LPAR1: variants seen among roughly 807,000 people sequenced by gnomAD.
LPAR1 encodes lysophosphatidic acid receptor 1, also known as LPA receptor 1.
In LPAR1, 5 loss-of-function variants were observed where a neutral mutation model predicts 23.8. That is an observed-to-expected ratio of 0.21 (90% confidence interval 0.11 to 0.44). The LOEUF (loss-of-function observed/expected upper bound fraction) is 0.44, where lower values mean the gene tolerates loss of function less well. Ranked by LOEUF, LPAR1 falls within the 20% of genes least tolerant of loss-of-function variation. The pLI is 0.99. For synonymous variants in LPAR1, 160 were observed against 164.7 expected (o/e 0.97, Z 0.22); for missense variants, 311 against 482.8 (o/e 0.64, Z 3.33).
chr9:110,904,670 C>T (rs2090595477), intron 5 of LPAR1, among the ~76,000 whole-genome samples: 1 of 152,230 alleles, frequency 6.6e-6, no homozygotes, highest in African/African-American at 2.4e-5. Context: ...TGACTCTTAA[C>T]TAGGAATCAG....
chr9:110,997,843 C>T (rs1268393838), intron 2 of LPAR1, among the ~76,000 whole-genome samples: 1 of 152,192 alleles, frequency 6.6e-6, no homozygotes, highest in Non-Finnish European at 1.5e-5. Context: ...CCTGTGTCTT[C>T]TCCAAAGCTG....
At chr9:111,024,271 T>C (rs1022024351) in intron 2 of LPAR1, among the ~76,000 whole-genome samples, 4 of 151,610 alleles carry the variant, frequency 2.6e-5, no homozygotes, top group African/African-American at 9.7e-5. Context: ...TACCATTTTA[T>C]AGGTCAAGAG....
chr9:110,991,245 G>A (rs2096886975), intron 2 of LPAR1, among the ~76,000 whole-genome samples: 1 of 152,150 alleles, frequency 6.6e-6, no homozygotes, highest in Admixed American at 6.5e-5. Flanking sequence ...ATTTCTGCTT[G>A]TCAACATACT....
chr9:110,994,014 ATACT>A (rs1168699235), intron 2 of LPAR1, among the ~76,000 whole-genome samples: 2 of 152,214 alleles, frequency 1.3e-5, no homozygotes, highest in African/African-American at 4.8e-5. Context: ...TCCCTAGAAA[ATACT>A]TACCATAAAG....
intron 2 of LPAR1, among the ~76,000 whole-genome samples, chr9:111,022,118 A>G (rs530961623): frequency 6.6e-6 from 1 of 152,272 alleles, no homozygotes; most frequent in South Asian, 2.1e-4. Flanking sequence ...AGATGCAAAT[A>G]CCTGGAGTTC....
At chr9:110,957,950 A>C (rs1470643365) in intron 4 of LPAR1, among the ~76,000 whole-genome samples, 1 of 152,182 alleles carries the variant, frequency 6.6e-6, no homozygotes, top group Non-Finnish European at 1.5e-5. Flanking sequence ...AACTATCCAA[A>C]AAAGAAATAA....
In LPAR1 at chr9:110,932,788, C is replaced by T. The variant is rs12684562; in HGVS notation, c.793+8633G>A. Among the ~76,000 whole-genome samples the T allele has an allele frequency of 7.6e-3, 1,163 of 152,308 alleles. 13 individuals carry two copies. The highest frequency in any genetic ancestry group is 0.026 in the African/African-American group (1,092 of 41,552). On this transcript the variant is annotated intron_variant, in intron 5 of 5. Coordinates refer to ENST00000683809, the MANE Select transcript of LPAR1 (RefSeq NM_001351411.2). ...GAGAATCTAACTAATGCCTGATGAT[C>T]TAAGTTGGAACATTTCATCCCTAAA...
At chr9:111,026,521 T>C (rs7849621) in intron 2 of LPAR1, among the ~76,000 whole-genome samples, 54,917 of 152,096 alleles carry the variant, frequency 0.36, 10,969 homozygotes, top group East Asian at 0.64. Flanking sequence ...CCTTTATTTT[T>C]ATCTCTTGCC....
intron 2 of LPAR1, chr9:110,999,353 C>A (rs1368047999): frequency 4.4e-6 from 2 of 453,404 alleles, no homozygotes; most frequent in Non-Finnish European, 8.8e-6. Context: ...AAAAGAACAG[C>A]TAGAAATAAA....
Position 110,875,063 on chromosome 9 carries a change from G to C in LPAR1, c.*358C>G, listed in dbSNP as rs1204575910. On this transcript the variant is annotated 3_prime_UTR_variant, in exon 6 of 6. Coordinates refer to ENST00000683809, the MANE Select transcript of LPAR1 (RefSeq NM_001351411.2). ...GAAGCCTGTATATAAATGAAGTTGT[G>C]GATTCAACTAGCCAGAATTTATTCT... 1 of 171,012 alleles carries C rather than the reference G, an allele frequency of 5.8e-6. No homozygotes were observed. Among genetic ancestry groups the C allele is most frequent in the Non-Finnish European group, 1.2e-5 (1 of 81,110 alleles). The allele number at this position is 171,012 out of a possible 1,614,324, so 10.6% of individuals were successfully genotyped here.
intron 2 of LPAR1, among the ~76,000 whole-genome samples, chr9:111,013,288 A>G (rs2097369694): frequency 6.6e-6 from 1 of 152,188 alleles, no homozygotes; most frequent in Non-Finnish European, 1.5e-5. Flanking sequence ...ACTAAATCTG[A>G]AAATGTCCAG....
chr9:110,962,853 G>A (rs1407503136), intron 4 of LPAR1, among the ~76,000 whole-genome samples: 1 of 152,046 alleles, frequency 6.6e-6, no homozygotes, highest in African/African-American at 2.4e-5. Context: ...TTTTTTAAAT[G>A]ACAGTCTTAT....
intron 5 of LPAR1, among the ~76,000 whole-genome samples, chr9:110,907,885 C>T (rs957659541): frequency 1.3e-5 from 2 of 150,056 alleles, no homozygotes; most frequent in African/African-American, 4.9e-5. Flanking sequence ...CTAACTTTCA[C>T]ATCAAAAAAG....
intron 4 of LPAR1, among the ~76,000 whole-genome samples, chr9:110,953,155 T>C (rs925084713): frequency 1.3e-5 from 2 of 152,060 alleles, no homozygotes; most frequent in Non-Finnish European, 2.9e-5. Flanking sequence ...CCTAAGGACC[T>C]ACCCACATGC....
chr9:110,903,721 G>A (rs2090145305), intron 5 of LPAR1, among the ~76,000 whole-genome samples: 2 of 151,832 alleles, frequency 1.3e-5, no homozygotes, highest in African/African-American at 2.4e-5. Flanking sequence ...AAAAGAGAGT[G>A]GGCTTGAAAA....
Position 111,010,544 on chromosome 9 carries a change from G to A in LPAR1, c.-182+25578C>T, listed in dbSNP as rs574412667. 2.0e-5 allele frequency among the ~76,000 whole-genome samples: 3 copies of A among 152,166 alleles called. No homozygotes were observed. The South Asian group carries it at 6.2e-4, about 32-fold the overall frequency. On this transcript the variant is annotated intron_variant, in intron 2 of 5. Transcript: ENST00000683809. ...AGGCAAAAAGTCAACATTTACTACC[G>A]CCTTTCAAGATAAGGGAAAAGGACC...
At chr9:110,963,053 G>C (rs1448063533) in intron 4 of LPAR1, among the ~76,000 whole-genome samples, 1 of 152,096 alleles carries the variant, frequency 6.6e-6, no homozygotes, top group Non-Finnish European at 1.5e-5. Flanking sequence ...TTCCCTAATG[G>C]GCAAGAAGTG....
chr9:110,977,787 AGAAG>A (rs200788516), intron 2 of LPAR1, among the ~76,000 whole-genome samples: 11,723 of 128,232 alleles, frequency 0.091, 792 homozygotes, highest in Non-Finnish European at 0.14. Context: ...ACAGAAGGAA[AGAAG>A]GAAGGAAGGA....
At chr9:110,940,805 T>C (rs890383213) in intron 5 of LPAR1, among the ~76,000 whole-genome samples, 1 of 152,182 alleles carries the variant, frequency 6.6e-6, no homozygotes, top group African/African-American at 2.4e-5. Context: ...GGTATTTGAG[T>C]CTACAAATCT....
Sources: allele counts gnomAD v4.1 joint callset (sites outside exome capture counted in the v4.1 genomes callset), GRCh38; gene constraint gnomAD v4.1.1; transcripts MANE v1.5; gene names NCBI Gene and HGNC (gene_info 2026-07-23, HGNC 2026-07-21).